Variants in AKAP19 observed in about 807,000 individuals in gnomAD.
The protein encoded by AKAP19 is small A-kinase anchoring protein.
At chr2:189,973,568 C>T in the AKAP19 span, among the ~76,000 whole-genome samples, 1 of 152,100 alleles carries the variant, frequency 6.6e-6, no homozygotes, top group African/African-American at 2.4e-5. Context: ...GGTACCAGTT[C>T]CTCCTTGTAC....
chr2:189,989,716 CTT>C, the AKAP19 span, among the ~76,000 whole-genome samples: 1 of 152,074 alleles, frequency 6.6e-6, no homozygotes, highest in Admixed American at 6.6e-5. Context: ...GGAAAAGTCT[CTT>C]TGATTCAGGA....
the AKAP19 span, among the ~76,000 whole-genome samples, chr2:190,069,619 A>G: frequency 6.6e-6 from 1 of 152,194 alleles, no homozygotes. Flanking sequence ...GGAATTGCCT[A>G]AAGCGTAGTT....
At chr2:190,060,035 A>T in the AKAP19 span, 23 of 1,601,990 alleles carry the variant, frequency 1.4e-5, 2 homozygotes, top group South Asian at 2.3e-4. Context: ...TAAGGTTATT[A>T]TAATGTTATT....
At chr2:190,181,043 G>A in the AKAP19 span, 5 of 985,580 alleles carry the variant, frequency 5.1e-6, no homozygotes, top group Non-Finnish European at 6.0e-6. Context: ...CTGAGCGCAG[G>A]CTGCCTCCGG....
chr2:190,085,307 T>C, the AKAP19 span, among the ~76,000 whole-genome samples: 3 of 152,250 alleles, frequency 2.0e-5, no homozygotes, highest in Non-Finnish European at 4.4e-5. Flanking sequence ...ATATTTTATA[T>C]GCAAATAACA....
At chr2:189,881,830 T>G in the AKAP19 span, among the ~76,000 whole-genome samples, 2 of 152,202 alleles carry the variant, frequency 1.3e-5, no homozygotes, top group African/African-American at 4.8e-5. Context: ...TAAGAACAGA[T>G]GTACTACAGT....
chr2:190,149,763 A>G, the AKAP19 span, among the ~76,000 whole-genome samples: 1 of 152,210 alleles, frequency 6.6e-6, no homozygotes, highest in South Asian at 2.1e-4. Context: ...AGAAAGTTCC[A>G]TGCACTGTTG....
the AKAP19 span, among the ~76,000 whole-genome samples, chr2:190,026,934 T>G: frequency 1.3e-5 from 2 of 152,218 alleles, no homozygotes; most frequent in Admixed American, 1.3e-4. Context: ...ACTGTTGTAT[T>G]AAAGTACTTA....
At chr2:190,035,665 A>T in the AKAP19 span, among the ~76,000 whole-genome samples, 1 of 149,254 alleles carries the variant, frequency 6.7e-6, no homozygotes, top group Admixed American at 6.8e-5. Context: ...TCTAGATGTC[A>T]TATAAGTTGG....
At chr2:190,067,016 G>A in the AKAP19 span, among the ~76,000 whole-genome samples, 1 of 152,054 alleles carries the variant, frequency 6.6e-6, no homozygotes. Flanking sequence ...ATCCCCTAAA[G>A]CAGTGATTCT....
the AKAP19 span, among the ~76,000 whole-genome samples, chr2:190,093,552 T>A: frequency 6.6e-6 from 1 of 152,226 alleles, no homozygotes; most frequent in Non-Finnish European, 1.5e-5. Context: ...TAGAGTTTAG[T>A]TTAACATTAT....
the AKAP19 span, among the ~76,000 whole-genome samples, chr2:190,148,899 C>G: frequency 6.7e-6 from 1 of 148,520 alleles, no homozygotes; most frequent in Admixed American, 6.6e-5. Context: ...TTTCCCTCTT[C>G]TTTTCTTGGT....
the AKAP19 span, among the ~76,000 whole-genome samples, chr2:190,155,472 A>G: frequency 6.6e-6 from 1 of 152,212 alleles, no homozygotes; most frequent in Non-Finnish European, 1.5e-5. Flanking sequence ...AATTAATACA[A>G]TATAATGAAT....
the AKAP19 span, among the ~76,000 whole-genome samples, chr2:190,155,042 C>T: frequency 6.6e-6 from 1 of 152,210 alleles, no homozygotes; most frequent in Non-Finnish European, 1.5e-5. Flanking sequence ...CCTCAGAGTA[C>T]ATGGATGGCT....
chr2:190,086,202 A>G, the AKAP19 span, among the ~76,000 whole-genome samples: 1 of 152,238 alleles, frequency 6.6e-6, no homozygotes, highest in Non-Finnish European at 1.5e-5. Context: ...CTCACTATCA[A>G]TGGAAAATAG....
chr2:189,953,060 T>C, the AKAP19 span, among the ~76,000 whole-genome samples: 1 of 152,198 alleles, frequency 6.6e-6, no homozygotes, highest in East Asian at 1.9e-4. Flanking sequence ...GTGTCTTTTC[T>C]TGCTGGTTTA....
the AKAP19 span, among the ~76,000 whole-genome samples, chr2:189,910,158 A>G: frequency 6.6e-6 from 1 of 152,118 alleles, no homozygotes; most frequent in Admixed American, 6.5e-5. Flanking sequence ...TGCAACTACA[A>G]GTGAAAGAGT....
the AKAP19 span, among the ~76,000 whole-genome samples, chr2:190,001,385 T>C: frequency 6.6e-6 from 1 of 152,206 alleles, no homozygotes; most frequent in African/African-American, 2.4e-5. Flanking sequence ...CCTGTTTCTT[T>C]GCATGCCTCA....
the AKAP19 span, among the ~76,000 whole-genome samples, chr2:190,041,727 G>C: frequency 6.6e-6 from 1 of 152,086 alleles, no homozygotes; most frequent in Non-Finnish European, 1.5e-5. Context: ...ATGTTGAAAG[G>C]ATGCTGAATT....
Sources: gnomAD v4.1 joint callset for allele counts (sites outside exome capture counted in the v4.1 genomes callset) on GRCh38, gnomAD v4.1.1 for gene constraint, MANE v1.5 for transcripts, NCBI Gene and HGNC (gene_info 2026-07-23, HGNC 2026-07-21) for gene names.